ADAM19: variants seen among roughly 807,000 people sequenced by gnomAD.
ADAM19 encodes the protein disintegrin and metalloproteinase domain-containing protein 19.
ADAM19 carries 65 observed loss-of-function variants against 114.7 expected under a neutral mutation model. The ratio of observed to expected loss-of-function variants is 0.57; its 90% confidence interval spans 0.46 to 0.70. The LOEUF is 0.70. Ranked by LOEUF, ADAM19 falls within the 30% of genes least tolerant of loss-of-function variation. The pLI is 0.00. For synonymous variants in ADAM19, 466 were observed against 460.5 expected, an observed-to-expected ratio of 1.01 and a Z score of -0.15; for missense variants, 1,063 against 1,204.7, an observed-to-expected ratio of 0.88 and a Z score of 1.74.
At chr5:157,531,797 T>G (rs532217947) in intron 4 of ADAM19, among the ~76,000 whole-genome samples, 6 of 151,908 alleles carry the variant, frequency 3.9e-5, no homozygotes, top group Non-Finnish European at 7.4e-5. Context: ...AGAAGGCCAT[T>G]TGAAGATGGG....
In ADAM19 at chr5:157,519,892, T is replaced by G; in HGVS notation, c.547A>C (p.Thr183Pro). 2 of 1,614,068 alleles carry G rather than the reference T, an allele frequency of 1.2e-6. No homozygotes were observed. The highest frequency in any genetic ancestry group is 8.5e-7 in the Non-Finnish European group (1 of 1,179,998). Reference sequence around the variant, plus strand: ...GTAAACTGAAGAGCCCAGTCCCTGGTGGTGGGCTTGGAGTGCTCGAACCCA... The same window carrying G: ...GTAAACTGAAGAGCCCAGTCCCTGGGGGTGGGCTTGGAGTGCTCGAACCCA... ...NCGFEHSKPT[T>P]RDWALQFTQQ... is the part of the protein sequence containing the mutation. Residue 183 changes from threonine (T) to proline (P), a missense_variant, in exon 6 of 23, where the codon ACC becomes CCC. Thr to Pro is a conservative substitution (Grantham distance 38). Coordinates refer to ENST00000257527, the MANE Select transcript of ADAM19 (RefSeq NM_033274.5).
chr5:157,569,430 T>C (rs1472125207), intron 2 of ADAM19, among the ~76,000 whole-genome samples: 1 of 142,318 alleles, frequency 7.0e-6, no homozygotes, highest in Non-Finnish European at 1.5e-5. Flanking sequence ...TTTTTTTTTT[T>C]TTTTTTTTGT....
chr5:157,524,893 T>C (rs771519868), intron 5 of ADAM19, among the ~76,000 whole-genome samples: 1 of 152,254 alleles, frequency 6.6e-6, no homozygotes, highest in Non-Finnish European at 1.5e-5. Flanking sequence ...TTGTGTATTA[T>C]ACATCAAGCA....
At chr5:157,561,509 AC>A (rs1757508174) in intron 3 of ADAM19, among the ~76,000 whole-genome samples, 1 of 152,104 alleles carries the variant, frequency 6.6e-6, no homozygotes, top group South Asian at 2.1e-4. Flanking sequence ...CTCCTGGGAG[AC>A]CTGAGAATCC....
At position 157,518,813 on chromosome 5, in the gene ADAM19, T is replaced by C; in HGVS notation, c.666+10A>G. 1 of 1,610,378 alleles carries C rather than the reference T, an allele frequency of 6.2e-7. No individual in the cohort carries two copies. The highest frequency in any genetic ancestry group is 8.5e-7 in the Non-Finnish European group (1 of 1,176,612). On this transcript the variant is annotated intron_variant, in intron 7 of 22. Coordinates refer to ENST00000257527, the MANE Select transcript of ADAM19 (RefSeq NM_033274.5). ...CAGTTTTTCTGCAAGACCCATTGCCTCCCCCTTACCTCTAAATAATCAGCC... is the reference window on the plus strand; with the variant it reads ...CAGTTTTTCTGCAAGACCCATTGCCCCCCCCTTACCTCTAAATAATCAGCC...
intron 5 of ADAM19, among the ~76,000 whole-genome samples, chr5:157,526,726 T>C (rs1300126533): frequency 6.6e-6 from 1 of 151,624 alleles, no homozygotes; most frequent in African/African-American, 2.4e-5. Context: ...GTTCAAACGG[T>C]TCTCCTGCCT....
chr5:157,481,417 G>A (rs567058332), intron 22 of ADAM19: 2 of 627,636 alleles, frequency 3.2e-6, no homozygotes, highest in South Asian at 2.1e-5. Flanking sequence ...CGCAGGCCAG[G>A]TGGCTTCTAC....
At chr5:157,552,536 G>A (rs189723307) in intron 3 of ADAM19, among the ~76,000 whole-genome samples, 8 of 151,942 alleles carry the variant, frequency 5.3e-5, no homozygotes, top group South Asian at 2.1e-4. Context: ...AAAGTTAGCC[G>A]GGCATGGTGG....
chr5:157,484,851 G>A (rs2113686406), intron 21 of ADAM19, among the ~76,000 whole-genome samples: 1 of 152,354 alleles, frequency 6.6e-6, no homozygotes, highest in African/African-American at 2.4e-5. Context: ...TCCCAAGGGA[G>A]CTGTGCAAAT....
At position 157,480,895 on chromosome 5, in the gene ADAM19, G is replaced by A; in HGVS notation, c.*54C>T. 1.2e-6 allele frequency: 2 copies of A among 1,613,092 alleles called. No homozygotes were observed. The highest frequency in any genetic ancestry group is 1.7e-6 in the Non-Finnish European group (2 of 1,179,650). On this transcript the variant is annotated 3_prime_UTR_variant, in exon 23 of 23. Transcript: ENST00000257527. ...CTTCTTCAGGGTTCCATGGCCATGG[G>A]TCCTCTGCAGTGTCCAGAGAGCTCA...
At chr5:157,523,475 T>C (rs1756364258) in intron 5 of ADAM19, among the ~76,000 whole-genome samples, 1 of 152,144 alleles carries the variant, frequency 6.6e-6, no homozygotes, top group Admixed American at 6.5e-5. Flanking sequence ...GAGTTTTTAC[T>C]CAGCAAATTC....
chr5:157,535,651 T>C (rs546012412), intron 4 of ADAM19, among the ~76,000 whole-genome samples: 1 of 152,338 alleles, frequency 6.6e-6, no homozygotes, highest in Admixed American at 6.5e-5. Context: ...CAATCCTCTC[T>C]TTCTGAAAGG....
intron 3 of ADAM19, among the ~76,000 whole-genome samples, chr5:157,563,838 G>A (rs899041733): frequency 6.6e-6 from 1 of 152,194 alleles, no homozygotes; most frequent in Non-Finnish European, 1.5e-5. Context: ...AGATGAATGA[G>A]GTTAAGAAGA....
intron 22 of ADAM19, chr5:157,481,374 A>G: frequency 3.4e-6 from 2 of 586,790 alleles, no homozygotes; most frequent in Non-Finnish European, 6.0e-6. Flanking sequence ...ACACAGAAGA[A>G]GTACGAGGAG....
In ADAM19 at chr5:157,570,887, A is replaced by T. The variant is rs1306327557; in HGVS notation, c.180+8T>A. The T allele has an allele frequency of 2.5e-6, 4 of 1,613,306 alleles. No individual in the cohort carries two copies. The African/African-American group carries it at 4.0e-5, about 16-fold the overall frequency. On this transcript the variant is annotated splice_region_variant and intron_variant, in intron 2 of 22. Transcript: ENST00000257527. ...CTGCCAGTGTAAATGAGGTCTTTTG[A>T]GTCTTACCTTTTCTCTCACGGGGCT...
chr5:157,534,481 A>T (rs1203449246), intron 4 of ADAM19, among the ~76,000 whole-genome samples: 1 of 152,094 alleles, frequency 6.6e-6, no homozygotes, highest in South Asian at 2.1e-4. Context: ...ACAAACAAAC[A>T]AACAAACAAA....
chr5:157,480,148 A>T lies in ADAM19; in HGVS notation c.*801T>A, dbSNP rs1301740103. On this transcript the variant is annotated 3_prime_UTR_variant, in exon 23 of 23. Transcript: ENST00000257527. ...TAGAGGGAGAATGAGAGGGGAAGGAAGAGAGAAAAGCGTGGGGCACCAGGA... is the reference window on the plus strand; with the variant it reads ...TAGAGGGAGAATGAGAGGGGAAGGATGAGAGAAAAGCGTGGGGCACCAGGA... 2 of 986,086 alleles carry T rather than the reference A, an allele frequency of 2.0e-6. No individual in the cohort carries two copies. Among genetic ancestry groups the T allele is most frequent in the African/African-American group, 3.5e-5 (2 of 57,354 alleles). 61.1% of individuals were successfully genotyped at this position (986,086 alleles called of 1,614,324 possible). A position where few individuals can be genotyped will look rare whatever the true frequency, so the allele number is the denominator to read the frequency against.
rs1399762567 is a variant in ADAM19, at chr5:157,479,544, C to CA, written c.*1404dup. ...GCAAAAACCGTCCTATCTAGCAAAG[C>CA]ACCACACGGCCCTCCTTCCCTGCTG... is the stretch of plus-strand genomic sequence containing the variant. On this transcript the variant is annotated 3_prime_UTR_variant, in exon 23 of 23. Transcript: ENST00000257527. The CA allele has an allele frequency of 5.1e-6, 5 of 985,806 alleles. No homozygotes were observed. The African/African-American group carries it at 8.7e-5, about 17-fold the overall frequency. 61.1% of individuals were successfully genotyped at this position (985,806 alleles called of 1,614,324 possible).
chr5:157,535,630 G>A lies in ADAM19; in HGVS notation c.330+2283C>T, dbSNP rs181070111. Reference sequence around the variant, plus strand: ...GAAGGAGGGGATTCTGGGAGAGGGGGAGTTCTTTTCCAATCCTCTCTTTCT... The same window carrying A: ...GAAGGAGGGGATTCTGGGAGAGGGGAAGTTCTTTTCCAATCCTCTCTTTCT... On this transcript the variant is annotated intron_variant, in intron 4 of 22. Transcript: ENST00000257527. Among the ~76,000 whole-genome samples the A allele has an allele frequency of 2.3e-3, 345 of 152,316 alleles. 1 individual carries two copies. The highest frequency in any genetic ancestry group is 4.2e-3 in the Non-Finnish European group (284 of 68,022).
Sources: allele counts gnomAD v4.1 joint callset (sites outside exome capture counted in the v4.1 genomes callset), GRCh38; gene constraint gnomAD v4.1.1; transcripts MANE v1.5; gene names NCBI Gene and HGNC (gene_info 2026-07-23, HGNC 2026-07-21).